The following EDAR variants were observed in gnomAD, a reference collection of about 807,000 sequenced individuals.
EDAR encodes the protein ectodysplasin A receptor.
A neutral mutation model predicts 51.3 loss-of-function variants in EDAR; 38 were observed. The ratio of observed to expected loss-of-function variants is 0.74; its 90% confidence interval spans 0.57 to 0.97. EDAR has a LOEUF of 0.97. Ranked by LOEUF, EDAR falls within the 50% of genes least tolerant of loss-of-function variation. EDAR has a pLI of 0.00. For synonymous variants in EDAR, 227 were observed against 242.1 expected (o/e 0.94, Z 0.58); for missense variants, 528 against 595.0 (o/e 0.89, Z 1.17).
At chr2:108,925,480 A>G (rs2105436625) in intron 4 of EDAR, among the ~76,000 whole-genome samples, 1 of 152,328 alleles carries the variant, frequency 6.6e-6, no homozygotes, top group African/African-American at 2.4e-5. Context: ...GCTCTGTCCC[A>G]CGACTGTGTC....
chr2:108,950,880 C>A (rs986446348), intron 1 of EDAR, among the ~76,000 whole-genome samples: 1 of 152,260 alleles, frequency 6.6e-6, no homozygotes, highest in Admixed American at 6.5e-5. Context: ...GGCCTTCACA[C>A]ATCCACATTA....
At chr2:108,977,736 C>T (rs1203844674) in intron 1 of EDAR, among the ~76,000 whole-genome samples, 1 of 152,166 alleles carries the variant, frequency 6.6e-6, no homozygotes, top group Non-Finnish European at 1.5e-5. Flanking sequence ...GAACAGAAGG[C>T]CTCAGAGCTG....
intron 1 of EDAR, among the ~76,000 whole-genome samples, chr2:108,959,647 C>A (rs260685): frequency 0.26 from 39,855 of 152,000 alleles, 9,736 homozygotes; most frequent in East Asian, 0.94. Flanking sequence ...CTGTGGCATG[C>A]GCCCTGGGAC....
intron 9 of EDAR, among the ~76,000 whole-genome samples, chr2:108,908,507 G>A (rs940199413): frequency 2.6e-5 from 4 of 152,166 alleles, no homozygotes; most frequent in Non-Finnish European, 5.9e-5. Flanking sequence ...CCTTGTGCCT[G>A]GAAAGCCCCC....
chr2:108,960,752 T>A (rs532697337), intron 1 of EDAR, among the ~76,000 whole-genome samples: 1 of 152,368 alleles, frequency 6.6e-6, no homozygotes, highest in African/African-American at 2.4e-5. Context: ...CCTTTTACTA[T>A]GTATAGATAT....
At chr2:108,922,550 T>G (rs561791778) in intron 5 of EDAR, among the ~76,000 whole-genome samples, 3 of 152,258 alleles carry the variant, frequency 2.0e-5, no homozygotes, top group Non-Finnish European at 2.9e-5. Context: ...CTTTCCAGCG[T>G]GATAAGACGC....
intron 1 of EDAR, among the ~76,000 whole-genome samples, chr2:108,974,164 C>T (rs1300447807): frequency 6.6e-6 from 1 of 150,768 alleles, no homozygotes; most frequent in Non-Finnish European, 1.5e-5. Flanking sequence ...CCCGTCTCTA[C>T]TAAAAAATAC....
chr2:108,898,912 A>G (rs1182402550), intron 11 of EDAR, among the ~76,000 whole-genome samples: 2 of 152,206 alleles, frequency 1.3e-5, no homozygotes, highest in East Asian at 3.8e-4. Flanking sequence ...AAAAACACAG[A>G]GCCTTAGGGA....
At chr2:108,902,207 CA>C (rs59896545) in intron 11 of EDAR, among the ~76,000 whole-genome samples, 10,747 of 82,488 alleles carry the variant, frequency 0.13, 938 homozygotes, top group African/African-American at 0.32. Context: ...GACTCCGTCT[CA>C]AAAAAAAAAA....
intron 1 of EDAR, among the ~76,000 whole-genome samples, chr2:108,957,607 C>T (rs977735102): frequency 2.6e-5 from 4 of 152,224 alleles, no homozygotes; most frequent in East Asian, 1.9e-4. Context: ...CCTGGATAAA[C>T]GTGGGTTAAG....
At chr2:108,985,979 G>T (rs1381606749) in intron 1 of EDAR, among the ~76,000 whole-genome samples, 1 of 152,092 alleles carries the variant, frequency 6.6e-6, no homozygotes, top group Non-Finnish European at 1.5e-5. Context: ...CTAATGAATG[G>T]CTGATCCCTG....
chr2:108,942,569 A>G (rs1009289313), intron 1 of EDAR, among the ~76,000 whole-genome samples: 2 of 152,260 alleles, frequency 1.3e-5, no homozygotes, highest in Non-Finnish European at 2.9e-5. Flanking sequence ...TCTAGAAGAC[A>G]TAAATGGTGC....
At chr2:108,961,622 G>A (rs1387213135) in intron 1 of EDAR, among the ~76,000 whole-genome samples, 2 of 152,206 alleles carry the variant, frequency 1.3e-5, no homozygotes, top group African/African-American at 4.8e-5. Context: ...CTGGCAGATG[G>A]TGTTATTGTT....
At chr2:108,944,082 CTG>C (rs924262184) in intron 1 of EDAR, among the ~76,000 whole-genome samples, 8 of 152,188 alleles carry the variant, frequency 5.3e-5, no homozygotes, top group African/African-American at 1.9e-4. Context: ...AGCAAACACT[CTG>C]TTCCTGTTTC....
chr2:108,941,282 G>T (rs1448307165), intron 1 of EDAR, among the ~76,000 whole-genome samples: 1 of 152,174 alleles, frequency 6.6e-6, no homozygotes, highest in Non-Finnish European at 1.5e-5. Flanking sequence ...GTTTTTGGTT[G>T]TTTTCTGGGC....
chr2:108,956,786 T>C (rs1399795401), intron 1 of EDAR, among the ~76,000 whole-genome samples: 4 of 125,670 alleles, frequency 3.2e-5, no homozygotes, highest in South Asian at 2.3e-4. Context: ...AAAGCTCTCT[T>C]TTTTTTTTTG....
Position 108,911,035 on chromosome 2 carries a change from G to A in EDAR, c.567C>T (p.Ile189=), listed in dbSNP as rs1241250324. 6.2e-7 allele frequency: 1 copy of A among 1,614,182 alleles called. No individual in the cohort carries two copies. The highest frequency in any genetic ancestry group is 8.5e-7 in the Non-Finnish European group (1 of 1,180,024). ...SGQGHLATAL[I]IAMSTIFIMA... is the part of the protein sequence containing the mutation. ...TGATGAAGATGGTGGACATTGCAAT[G>A]ATCAGGGCAGTGGCCAGGTGTCCTT... is the stretch of plus-strand genomic sequence containing the variant. Residue 189 remains isoleucine (I), a synonymous_variant, in exon 7 of 12, where the codon ATC becomes ATT. Transcript: ENST00000258443.
intron 1 of EDAR, among the ~76,000 whole-genome samples, chr2:108,987,817 A>G (rs546940191): frequency 1.3e-5 from 2 of 152,152 alleles, no homozygotes; most frequent in East Asian, 3.9e-4. Flanking sequence ...GACCAGAGTC[A>G]CTCTCTTTTT....
chr2:108,934,282 C>A (rs752145484), intron 1 of EDAR, among the ~76,000 whole-genome samples: 1 of 152,106 alleles, frequency 6.6e-6, no homozygotes, highest in African/African-American at 2.4e-5. Context: ...GTTTGGATCC[C>A]ACTTCTCAGA....
Sources: allele counts gnomAD v4.1 joint callset (sites outside exome capture counted in the v4.1 genomes callset), GRCh38; gene constraint gnomAD v4.1.1; transcripts MANE v1.5; gene names NCBI Gene and HGNC (gene_info 2026-07-23, HGNC 2026-07-21).